The following EVA1A variants were observed in gnomAD, a reference collection of about 807,000 sequenced individuals.
The protein encoded by EVA1A is eva-1 homolog A, regulator of programmed cell death.
A neutral mutation model predicts 9.8 loss-of-function variants in EVA1A; 7 were observed. That is an observed-to-expected ratio of 0.71 (90% CI 0.41 to 1.34). EVA1A has a LOEUF of 1.34. EVA1A is among the 40% of genes most tolerant of loss of function. The probability of loss-of-function intolerance (pLI) is 0.01; values close to 1 mark genes in which losing one functional copy is unlikely to be tolerated. For synonymous variants in EVA1A, 90 were observed against 85.6 expected, an observed-to-expected ratio of 1.05 and a Z score of -0.28; for missense variants, 206 against 205.9, an observed-to-expected ratio of 1.00 and a Z score of 0.00.
At chr2:75,505,689 C>G (rs1308955345) in intron 3 of EVA1A, among the ~76,000 whole-genome samples, 1 of 151,972 alleles carries the variant, frequency 6.6e-6, no homozygotes, top group Admixed American at 6.6e-5. Flanking sequence ...TGGTGCACGT[C>G]TGTAATCCCA....
chr2:75,518,512 G>A (rs1572960890), intron 2 of EVA1A: 3 of 782,890 alleles, frequency 3.8e-6, no homozygotes, highest in Non-Finnish European at 4.7e-6. Flanking sequence ...TTGGGGTCTT[G>A]TGCTCTTTGT....
At chr2:75,541,766 A>T (rs1284519718) in intron 1 of EVA1A, 1 of 152,504 alleles carries the variant, frequency 6.6e-6, no homozygotes, top group African/African-American at 2.4e-5. Context: ...GATTCCAGTC[A>T]CACAGGCTCA....
intron 1 of EVA1A, among the ~76,000 whole-genome samples, chr2:75,539,158 A>C (rs1332643960): frequency 6.6e-6 from 1 of 152,206 alleles, no homozygotes; most frequent in African/African-American, 2.4e-5. Context: ...TATTGATCTA[A>C]AAGTTCAACC....
At chr2:75,550,159 C>A (rs1460761246) in intron 1 of EVA1A, among the ~76,000 whole-genome samples, 1 of 152,044 alleles carries the variant, frequency 6.6e-6, no homozygotes, top group Non-Finnish European at 1.5e-5. Context: ...CAGGAAATGC[C>A]CCTATTTTTC....
At chr2:75,496,724 C>T (rs1674223942) in intron 3 of EVA1A, among the ~76,000 whole-genome samples, 1 of 151,972 alleles carries the variant, frequency 6.6e-6, no homozygotes, top group Admixed American at 6.6e-5. Flanking sequence ...TTCAAATAGC[C>T]AAAGCAATCC....
chr2:75,524,262 C>T (rs1356333458), intron 1 of EVA1A: 1 of 152,118 alleles, frequency 6.6e-6, no homozygotes, highest in African/African-American at 2.4e-5. Context: ...GCTGAGAATA[C>T]TGCTATGCAC....
intron 3 of EVA1A, among the ~76,000 whole-genome samples, chr2:75,511,639 T>C (rs1325452774): frequency 6.6e-6 from 1 of 152,160 alleles, no homozygotes; most frequent in Non-Finnish European, 1.5e-5. Flanking sequence ...CATAAGAGCC[T>C]GATGATGGGT....
At chr2:75,507,663 C>A (rs1234715495) in intron 3 of EVA1A, among the ~76,000 whole-genome samples, 1 of 152,166 alleles carries the variant, frequency 6.6e-6, no homozygotes, top group Non-Finnish European at 1.5e-5. Flanking sequence ...CATCAAAGCC[C>A]AAACTGTTCC....
Position 75,492,423 on chromosome 2 carries a change from A to AC in EVA1A, c.*812_*813insG, listed in dbSNP as rs1553414718. 6.6e-5 allele frequency: 10 copies of AC among 151,992 alleles called. No individual in the cohort carries two copies. Among genetic ancestry groups the AC allele is most frequent in the Non-Finnish European group, 1.0e-4 (7 of 67,958 alleles). 9.4% of individuals were successfully genotyped at this position (151,992 alleles called of 1,614,324 possible). A position where few individuals can be genotyped will look rare whatever the true frequency, so the allele number is the denominator to read the frequency against. On this transcript the variant is annotated 3_prime_UTR_variant, in exon 4 of 4. Coordinates refer to ENST00000393913, the MANE Select transcript of EVA1A (RefSeq NM_001135032.2). ...TTTGAAATCCAATTAAAAAAAAAAAAAAAAACAAAGTGTTTAAAATCACAA... is the reference window on the plus strand; with the variant it reads ...TTTGAAATCCAATTAAAAAAAAAAAACAAAAACAAAGTGTTTAAAATCACAA...
At chr2:75,564,086 G>T (rs571750596), upstream of EVA1A, among the ~76,000 whole-genome samples, 1 of 152,316 alleles carries the variant, frequency 6.6e-6, no homozygotes, top group South Asian at 2.1e-4. Context: ...TGTGAGAAAG[G>T]GGCATTAAGC....
chr2:75,500,317 G>A (rs970902207), intron 3 of EVA1A, among the ~76,000 whole-genome samples: 13 of 152,148 alleles, frequency 8.5e-5, no homozygotes, highest in African/African-American at 2.7e-4. Flanking sequence ...GGATCACTCT[G>A]ATTTTTGGCA....
chr2:75,505,681 G>A (rs1243037832), intron 3 of EVA1A, among the ~76,000 whole-genome samples: 1 of 151,934 alleles, frequency 6.6e-6, no homozygotes, highest in Non-Finnish European at 1.5e-5. Context: ...GGGCATGGTG[G>A]TGCACGTCTG....
At chr2:75,496,305 G>T (rs368224599) in intron 3 of EVA1A, among the ~76,000 whole-genome samples, 18 of 152,200 alleles carry the variant, frequency 1.2e-4, no homozygotes, top group South Asian at 4.2e-4. Flanking sequence ...CTGCCAAAAG[G>T]CTCCTCAAAC....
rs374331168 is a variant in EVA1A, at chr2:75,505,048, T to C, written c.86-11439A>G. 3.3e-5 allele frequency among the ~76,000 whole-genome samples: 5 copies of C among 152,218 alleles called. No homozygotes were observed. The East Asian group carries it at 9.6e-4, about 29-fold the overall frequency. ...GAAGCATCCATTGCCCTGCCCCTCCTCCCAATCCACTGGCTCACTTTTCTT... is the reference window on the plus strand; with the variant it reads ...GAAGCATCCATTGCCCTGCCCCTCCCCCCAATCCACTGGCTCACTTTTCTT... On this transcript the variant is annotated intron_variant, in intron 3 of 3. Coordinates refer to ENST00000393913, the MANE Select transcript of EVA1A (RefSeq NM_001135032.2).
At chr2:75,523,842 C>T (rs548910550) in intron 1 of EVA1A, among the ~76,000 whole-genome samples, 1 of 152,300 alleles carries the variant, frequency 6.6e-6, no homozygotes, top group African/African-American at 2.4e-5. Flanking sequence ...TCTCACTCTC[C>T]AATCGGAACC....
intron 1 of EVA1A, among the ~76,000 whole-genome samples, chr2:75,539,562 C>T (rs116141605): frequency 0.014 from 2,088 of 152,134 alleles, 50 homozygotes; most frequent in African/African-American, 0.048. Context: ...AGGAATTTAA[C>T]GCAGGGAATT....
At chr2:75,529,170 G>A (rs112635442) in intron 1 of EVA1A, among the ~76,000 whole-genome samples, 2 of 152,090 alleles carry the variant, frequency 1.3e-5, no homozygotes, top group African/African-American at 4.8e-5. Context: ...CCTGGAGCAC[G>A]GTAGTTCAGC....
At chr2:75,504,325 C>T (rs1362947129) in intron 3 of EVA1A, among the ~76,000 whole-genome samples, 1 of 152,068 alleles carries the variant, frequency 6.6e-6, no homozygotes, top group African/African-American at 2.4e-5. Flanking sequence ...GCAGGAGAAT[C>T]GTTTGAACCC....
chr2:75,547,254 TG>T (rs1676363657), intron 1 of EVA1A, among the ~76,000 whole-genome samples: 1 of 152,188 alleles, frequency 6.6e-6, no homozygotes. Flanking sequence ...CACAGGTTCA[TG>T]GATGGAGCTT....
Sources: gnomAD v4.1 joint callset for allele counts (sites outside exome capture counted in the v4.1 genomes callset) on GRCh38, gnomAD v4.1.1 for gene constraint, MANE v1.5 for transcripts, NCBI Gene and HGNC (gene_info 2026-07-23, HGNC 2026-07-21) for gene names.